The following ADAMTSL1 variants were observed in gnomAD, a reference collection of about 807,000 sequenced individuals.
ADAMTSL1 encodes the protein ADAMTS like 1.
In ADAMTSL1, 126 loss-of-function variants were observed where a neutral mutation model predicts 201.8. The ratio of observed to expected loss-of-function variants is 0.62; its 90% confidence interval spans 0.54 to 0.72. The LOEUF is 0.72. ADAMTSL1 is among the 30% of genes least tolerant of loss of function. The pLI is 0.00. For synonymous variants in ADAMTSL1, 1,121 were observed against 903.4 expected, an observed-to-expected ratio of 1.24 and a Z score of -4.32; for missense variants, 2,679 against 2,277.8, an observed-to-expected ratio of 1.18 and a Z score of -3.59.
chr9:18,129,534 G>A (rs761877009), intron 1 of ADAMTSL1, among the ~76,000 whole-genome samples: 1 of 152,012 alleles, frequency 6.6e-6, no homozygotes, highest in Non-Finnish European at 1.5e-5. Context: ...TTTTCTGTGG[G>A]TTTTTATCTG....
chr9:18,117,150 T>A (rs1269217316), intron 1 of ADAMTSL1, among the ~76,000 whole-genome samples: 1 of 152,170 alleles, frequency 6.6e-6, no homozygotes, highest in Non-Finnish European at 1.5e-5. Flanking sequence ...CTTCTCCTAT[T>A]TGAATTGCTG....
upstream of ADAMTSL1, among the ~76,000 whole-genome samples, chr9:18,471,159 C>T (rs138943144): frequency 5.3e-5 from 8 of 152,258 alleles, no homozygotes; most frequent in Middle Eastern, 6.8e-3. Context: ...TACTTTCCAT[C>T]GTCAGGTAAC....
chr9:18,885,014 G>A (rs182485471), intron 23 of ADAMTSL1, among the ~76,000 whole-genome samples: 85 of 152,204 alleles, frequency 5.6e-4, no homozygotes, highest in Middle Eastern at 3.4e-3. Flanking sequence ...CTCCTAATCC[G>A]TAAACATGAG....
At chr9:18,560,103 G>A (rs1186312339) in intron 3 of ADAMTSL1, among the ~76,000 whole-genome samples, 1 of 152,152 alleles carries the variant, frequency 6.6e-6, no homozygotes, top group Non-Finnish European at 1.5e-5. Context: ...CAAAGGGAAT[G>A]CTTCCAGCTT....
At chr9:18,815,711 CAAAAAAAAAAAAA>C (rs35926602) in intron 20 of ADAMTSL1, among the ~76,000 whole-genome samples, 36 of 67,956 alleles carry the variant, frequency 5.3e-4, no homozygotes, top group African/African-American at 1.3e-3. Flanking sequence ...AACCCTGTCT[CAAAAAAAAAAAAA>C]AAAAAAAAAA....
At chr9:18,574,599 G>GTT in intron 4 of ADAMTSL1, 1 of 343,968 alleles carries the variant, frequency 2.9e-6, no homozygotes, top group Non-Finnish European at 5.2e-6. Flanking sequence ...TTGTGTTTGT[G>GTT]TGTGTGTGTG....
At chr9:18,535,121 T>C (rs958546905) in intron 3 of ADAMTSL1, among the ~76,000 whole-genome samples, 3 of 152,232 alleles carry the variant, frequency 2.0e-5, no homozygotes, top group African/African-American at 4.8e-5. Context: ...AAATTTTCTA[T>C]AGTTTTATGC....
chr9:18,130,486 C>A (rs1825906268), intron 1 of ADAMTSL1, among the ~76,000 whole-genome samples: 1 of 151,988 alleles, frequency 6.6e-6, no homozygotes, highest in African/African-American at 2.4e-5. Context: ...TCTGTTATGC[C>A]CTTTTGGGTA....
At chr9:18,115,336 C>T (rs975865268) in intron 1 of ADAMTSL1, among the ~76,000 whole-genome samples, 4 of 152,138 alleles carry the variant, frequency 2.6e-5, no homozygotes, top group African/African-American at 7.2e-5. Flanking sequence ...CAGGCAATTT[C>T]TGGAAGGCAG....
intron 2 of ADAMTSL1, among the ~76,000 whole-genome samples, chr9:18,218,990 T>C (rs1332386068): frequency 6.6e-6 from 1 of 152,086 alleles, no homozygotes; most frequent in Admixed American, 6.5e-5. Context: ...TTTCCCATCT[T>C]GTTTACATTG....
chr9:18,545,779 TAGAA>T (rs1820433494), intron 3 of ADAMTSL1, among the ~76,000 whole-genome samples: 1 of 152,206 alleles, frequency 6.6e-6, no homozygotes, highest in African/African-American at 2.4e-5. Flanking sequence ...GAGAATAATT[TAGAA>T]AGAAATTACT....
chr9:18,259,254 A>G (rs1324481042), intron 2 of ADAMTSL1, among the ~76,000 whole-genome samples: 1 of 152,094 alleles, frequency 6.6e-6, no homozygotes, highest in African/African-American at 2.4e-5. Context: ...CCTACTACCC[A>G]TCTTAGTTAA....
At chr9:18,029,565 A>G (rs1820848603) in intron 1 of ADAMTSL1, among the ~76,000 whole-genome samples, 1 of 152,190 alleles carries the variant, frequency 6.6e-6, no homozygotes, top group African/African-American at 2.4e-5. Flanking sequence ...ATTAAACTAA[A>G]GAGCTTCTGC....
intron 2 of ADAMTSL1, among the ~76,000 whole-genome samples, chr9:18,298,874 G>A (rs549439855): frequency 3.3e-5 from 5 of 152,040 alleles, no homozygotes; most frequent in Non-Finnish European, 5.9e-5. Flanking sequence ...AGCCGGTCGT[G>A]GTGGCGGGCG....
intron 2 of ADAMTSL1, among the ~76,000 whole-genome samples, chr9:18,375,268 T>C (rs551023852): frequency 1.9e-4 from 29 of 152,338 alleles, no homozygotes; most frequent in Non-Finnish European, 3.4e-4. Context: ...GAGCCAGTCA[T>C]TGTTTTTCTA....
intron 20 of ADAMTSL1, among the ~76,000 whole-genome samples, chr9:18,807,664 A>AAAC (rs1823246677): frequency 1.3e-5 from 2 of 151,630 alleles, no homozygotes; most frequent in South Asian, 2.1e-4. Context: ...AAAAACAAAA[A>AAAC]AAAAACAAAG....
intron 1 of ADAMTSL1, among the ~76,000 whole-genome samples, chr9:18,045,631 T>C (rs1052915559): frequency 1.2e-4 from 18 of 152,092 alleles, no homozygotes; most frequent in African/African-American, 2.4e-5. Context: ...AATTCTCACA[T>C]ATAGTGATAG....
chr9:18,217,110 G>A (rs1830083200), intron 2 of ADAMTSL1, among the ~76,000 whole-genome samples: 1 of 152,120 alleles, frequency 6.6e-6, no homozygotes, highest in Non-Finnish European at 1.5e-5. Flanking sequence ...GGGCTCTAAA[G>A]GAAGAGAGAG....
chr9:18,211,779 A>C (rs1829881491), intron 2 of ADAMTSL1, among the ~76,000 whole-genome samples: 1 of 152,206 alleles, frequency 6.6e-6, no homozygotes, highest in African/African-American at 2.4e-5. Flanking sequence ...AAAACTTTGC[A>C]CTTTACAAGT....
Sources: gnomAD v4.1 joint callset for allele counts (sites outside exome capture counted in the v4.1 genomes callset) on GRCh38, gnomAD v4.1.1 for gene constraint, MANE v1.5 for transcripts, NCBI Gene and HGNC (gene_info 2026-07-23, HGNC 2026-07-21) for gene names.